Variants in NSUN3 observed in about 807,000 individuals in gnomAD.
NSUN3 encodes NOP2/Sun RNA methyltransferase 3.
Under a neutral mutation model 36.8 loss-of-function variants are expected in NSUN3, and 24 were observed. The ratio of observed to expected loss-of-function variants is 0.65; its 90% CI spans 0.47 to 0.92. NSUN3 has a LOEUF of 0.92. Among genes scored for constraint, NSUN3 ranks in the 40% least tolerant of loss-of-function variants. The probability of loss-of-function intolerance (pLI) is 0.00; values close to 1 mark genes in which losing one functional copy is unlikely to be tolerated. For missense variants in NSUN3, 381 were observed against 392.8 expected, an observed-to-expected ratio of 0.97 and a Z score of 0.25; for synonymous variants, 146 against 145.2, an observed-to-expected ratio of 1.01 and a Z score of -0.04.
chr3:94,113,763 TACAA>T (rs1250322950), intron 5 of NSUN3, among the ~76,000 whole-genome samples: 13 of 152,224 alleles, frequency 8.5e-5, no homozygotes, highest in Admixed American at 3.3e-4. Flanking sequence ...TTTAGAGTTA[TACAA>T]ACAAAGTATT....
chr3:94,098,014 T>A (rs2077350380), intron 5 of NSUN3, among the ~76,000 whole-genome samples: 1 of 152,124 alleles, frequency 6.6e-6, no homozygotes, highest in Non-Finnish European at 1.5e-5. Flanking sequence ...CTCAAATAAT[T>A]AAGATAAAAA....
chr3:94,088,058 A>T (rs1394926150), intron 3 of NSUN3, among the ~76,000 whole-genome samples: 1 of 151,874 alleles, frequency 6.6e-6, no homozygotes, highest in Non-Finnish European at 1.5e-5. Flanking sequence ...CTGCTTCTTC[A>T]TCTCTAGTCC....
rs939856598 is a variant in NSUN3 at position 94,127,216 on chromosome 3, A to G, written c.*726A>G. 3.9e-5 allele frequency: 6 copies of G among 152,196 alleles called. No individual in the cohort carries two copies. The highest frequency in any genetic ancestry group is 7.3e-5 in the Non-Finnish European group (5 of 68,034). The allele number at this position is 152,196 out of a possible 1,614,324, so 9.4% of individuals were successfully genotyped here. A position where few individuals can be genotyped will look rare whatever the true frequency, so the allele number is the denominator to read the frequency against. ...TTCAGCTTATAGAATTATGGAGTCTATCCAGCAGGCTATAAAGCAAGTACT... is the reference window on the plus strand; with the variant it reads ...TTCAGCTTATAGAATTATGGAGTCTGTCCAGCAGGCTATAAAGCAAGTACT... On this transcript the variant is annotated 3_prime_UTR_variant, in exon 6 of 6. Coordinates refer to ENST00000314622, the MANE Select transcript of NSUN3 (RefSeq NM_022072.5).
chr3:94,108,068 A>G (rs565466687), intron 5 of NSUN3, among the ~76,000 whole-genome samples: 110 of 137,718 alleles, frequency 8.0e-4, no homozygotes, highest in African/African-American at 2.9e-3. Context: ...ACTATTCTCT[A>G]CTCAGAATTT....
At position 94,097,075 on chromosome 3, in the gene NSUN3, G is replaced by T. The variant is rs569131057; in HGVS notation, c.743+1921G>T. Reference sequence around the variant, plus strand: ...TTGTCTCAATTAATTATATTTTATCGTCTGTTTCCTTTATTCTTCCAAACC... The same window carrying T: ...TTGTCTCAATTAATTATATTTTATCTTCTGTTTCCTTTATTCTTCCAAACC... On this transcript the variant is annotated intron_variant, in intron 5 of 5. Transcript: ENST00000314622. 7.6e-4 allele frequency among the ~76,000 whole-genome samples: 115 copies of T among 151,334 alleles called. 1 individual carries two copies. The highest frequency in any genetic ancestry group is 2.7e-3 in the African/African-American group (113 of 41,180).
At chr3:94,120,358 A>C (rs768439087) in intron 5 of NSUN3, among the ~76,000 whole-genome samples, 5 of 152,212 alleles carry the variant, frequency 3.3e-5, no homozygotes, top group Non-Finnish European at 7.3e-5. Flanking sequence ...TTGTACTACC[A>C]ATCTCCAGAA....
At chr3:94,120,700 A>G (rs970225981) in intron 5 of NSUN3, among the ~76,000 whole-genome samples, 2 of 152,158 alleles carry the variant, frequency 1.3e-5, no homozygotes, top group Non-Finnish European at 2.9e-5. Flanking sequence ...GGTTGCTTCT[A>G]TCTTTTGGCC....
chr3:94,095,242 C>A, intron 5 of NSUN3, 88 bp downstream of exon 5: 2 of 1,317,764 alleles, frequency 1.5e-6, no homozygotes, highest in Non-Finnish European at 2.1e-6. Flanking sequence ...CAGTGGAGGG[C>A]TTGCTGTGTA....
chr3:94,117,449 A>C (rs763764589), intron 5 of NSUN3, among the ~76,000 whole-genome samples: 5 of 152,174 alleles, frequency 3.3e-5, no homozygotes, highest in Non-Finnish European at 5.9e-5. Context: ...AGGGAAATTT[A>C]ACATTATATT....
intron 2 of NSUN3, among the ~76,000 whole-genome samples, chr3:94,081,412 C>T (rs1280495728): frequency 6.6e-6 from 1 of 152,172 alleles, no homozygotes; most frequent in Admixed American, 6.5e-5. Flanking sequence ...GCTCTCTCCC[C>T]CTAAAGTTTT....
chr3:94,082,606 T>TC, intron 2 of NSUN3, among the ~76,000 whole-genome samples: 1 of 152,262 alleles, frequency 6.6e-6, no homozygotes, highest in Admixed American at 6.5e-5. Flanking sequence ...CATAGGCAAC[T>TC]CCAGGGTGTG....
chr3:94,111,905 T>C (rs1287302209), intron 5 of NSUN3, among the ~76,000 whole-genome samples: 1 of 152,092 alleles, frequency 6.6e-6, no homozygotes, highest in Non-Finnish European at 1.5e-5. Context: ...AGCTGCATTA[T>C]AATCTCATGG....
intron 5 of NSUN3, among the ~76,000 whole-genome samples, chr3:94,121,616 A>G (rs186909856): frequency 6.6e-6 from 1 of 152,244 alleles, no homozygotes; most frequent in Admixed American, 6.5e-5. Context: ...GAATATTTAG[A>G]GGGCAGTGAA....
intron 5 of NSUN3, 51 bp downstream of exon 5, chr3:94,095,205 C>T (rs1336872734): frequency 1.9e-6 from 3 of 1,578,504 alleles, no homozygotes. Flanking sequence ...GTAATTTACA[C>T]AGGCATAATA....
intron 2 of NSUN3, among the ~76,000 whole-genome samples, chr3:94,078,627 T>C (rs2077256018): frequency 6.6e-6 from 1 of 152,330 alleles, no homozygotes; most frequent in East Asian, 1.9e-4. Context: ...GCTCCTGTGT[T>C]GGGTGCATAT....
intron 2 of NSUN3, among the ~76,000 whole-genome samples, chr3:94,082,993 TAA>T (rs2077276472): frequency 6.6e-6 from 1 of 152,176 alleles, no homozygotes; most frequent in Admixed American, 6.5e-5. Context: ...CTTTTCCCTC[TAA>T]TATTAATAGT....
At chr3:94,080,439 G>T (rs1231521080) in intron 2 of NSUN3, among the ~76,000 whole-genome samples, 1 of 152,220 alleles carries the variant, frequency 6.6e-6, no homozygotes, top group Non-Finnish European at 1.5e-5. Flanking sequence ...CAGACACTGT[G>T]CTGGGAGGTC....
intron 5 of NSUN3, among the ~76,000 whole-genome samples, chr3:94,108,002 C>T (rs1335620536): frequency 2.2e-5 from 3 of 135,438 alleles, no homozygotes; most frequent in Non-Finnish European, 4.7e-5. Context: ...CAGATAAAGC[C>T]TCTGGCCTCT....
intron 3 of NSUN3, among the ~76,000 whole-genome samples, chr3:94,092,531 C>T (rs1259503476): frequency 2.6e-5 from 4 of 152,088 alleles, no homozygotes; most frequent in African/African-American, 9.7e-5. Context: ...ACTAGCTGTA[C>T]AGATGTGCTT....
Sources: gnomAD v4.1 joint callset for allele counts (sites outside exome capture counted in the v4.1 genomes callset) on GRCh38, gnomAD v4.1.1 for gene constraint, MANE v1.5 for transcripts, NCBI Gene and HGNC (gene_info 2026-07-23, HGNC 2026-07-21) for gene names.